Variants in FSTL5 observed in about 807,000 individuals in gnomAD.
The protein encoded by FSTL5 is follistatin-related protein 5.
A neutral mutation model predicts 89.1 loss-of-function variants in FSTL5; 62 were observed. The ratio of observed to expected loss-of-function variants is 0.70; its 90% CI spans 0.57 to 0.86. The LOEUF (loss-of-function observed/expected upper bound fraction) is 0.86. Ranked by LOEUF, FSTL5 falls within the 40% of genes least tolerant of loss-of-function variation. The pLI, the probability that FSTL5 is intolerant of heterozygous loss-of-function variation, is 0.00. For missense variants in FSTL5, 1,057 were observed against 1,001.6 expected (o/e 1.06, Z -0.75); for synonymous variants, 383 against 346.2 (o/e 1.11, Z -1.18).
chr4:161,779,640 T>C (rs914718171), intron 4 of FSTL5, among the ~76,000 whole-genome samples: 19 of 151,224 alleles, frequency 1.3e-4, no homozygotes, highest in African/African-American at 4.6e-4. Flanking sequence ...CTCCCTTTTA[T>C]CCACTAACTT....
chr4:161,928,584 G>A (rs888048341), intron 3 of FSTL5, among the ~76,000 whole-genome samples: 2 of 151,700 alleles, frequency 1.3e-5, no homozygotes, highest in Non-Finnish European at 3.0e-5. Flanking sequence ...AGTAGTTAGT[G>A]TCTGCAATGT....
chr4:162,043,592 T>C (rs901718368), intron 2 of FSTL5, among the ~76,000 whole-genome samples: 1 of 151,974 alleles, frequency 6.6e-6, no homozygotes, highest in African/African-American at 2.4e-5. Context: ...AAAAAAAAAA[T>C]GAAGTTTGCT....
chr4:161,629,200 C>T lies in FSTL5; in HGVS notation c.894+27128G>A, dbSNP rs1036550415. 7.2e-5 allele frequency among the ~76,000 whole-genome samples: 11 copies of T among 152,312 alleles called. No individual in the cohort carries two copies. The East Asian group carries it at 2.1e-3, about 29-fold the overall frequency. ...TGTTTCTGCTTCCTTCATGTTTTGA[C>T]TGACCTACTACCACATACTACTCTA... On this transcript the variant is annotated intron_variant, in intron 7 of 15. Coordinates refer to ENST00000306100, the MANE Select transcript of FSTL5 (RefSeq NM_020116.5).
chr4:162,154,905 G>C (rs1733407744), intron 1 of FSTL5, among the ~76,000 whole-genome samples: 2 of 151,978 alleles, frequency 1.3e-5, no homozygotes, highest in African/African-American at 2.4e-5. Context: ...GAATCCAAAA[G>C]CCACTCCAGA....
chr4:161,384,521 G>A lies in FSTL5; in HGVS notation c.*1226C>T, dbSNP rs1363161337. On this transcript the variant is annotated 3_prime_UTR_variant, in exon 16 of 16. Transcript: ENST00000306100. ...CTTTTCTACAGTGTCTCAAGTAGGA[G>A]GATTCGTTAGGTTTCAAACTACAGC... 1 of 152,070 alleles carries A rather than the reference G, an allele frequency of 6.6e-6. No individual in the cohort carries two copies. Among genetic ancestry groups the A allele is most frequent in the Non-Finnish European group, 1.5e-5 (1 of 67,974 alleles). The allele number at this position is 152,070 out of a possible 1,614,324, so 9.4% of individuals were successfully genotyped here.
At chr4:162,119,780 C>T (rs764780653) in intron 1 of FSTL5, among the ~76,000 whole-genome samples, 1 of 152,130 alleles carries the variant, frequency 6.6e-6, no homozygotes, top group Non-Finnish European at 1.5e-5. Context: ...TCCCATCTGG[C>T]TCTAATTTTA....
chr4:161,836,197 C>T (rs980289438), intron 4 of FSTL5, among the ~76,000 whole-genome samples: 1 of 149,862 alleles, frequency 6.7e-6, no homozygotes, highest in Non-Finnish European at 1.5e-5. Flanking sequence ...AGTAAACTAT[C>T]GCAAGAACAA....
At chr4:161,489,363 A>C (rs999135741) in intron 12 of FSTL5, among the ~76,000 whole-genome samples, 2 of 151,966 alleles carry the variant, frequency 1.3e-5, no homozygotes, top group African/African-American at 4.8e-5. Flanking sequence ...ATTAAATATC[A>C]AGAAAAGGTC....
At chr4:161,442,981 A>G (rs981667109) in intron 15 of FSTL5, among the ~76,000 whole-genome samples, 1 of 152,040 alleles carries the variant, frequency 6.6e-6, no homozygotes, top group Non-Finnish European at 1.5e-5. Flanking sequence ...TAATGTAATC[A>G]TAACTTATTT....
intron 12 of FSTL5, among the ~76,000 whole-genome samples, chr4:161,493,053 G>A (rs1237127968): frequency 6.6e-6 from 1 of 151,860 alleles, no homozygotes; most frequent in Non-Finnish European, 1.5e-5. Context: ...CTGTTAAATT[G>A]AAATTGTGAG....
chr4:162,037,837 GC>G (rs1176874257), intron 2 of FSTL5, among the ~76,000 whole-genome samples: 1 of 151,828 alleles, frequency 6.6e-6, no homozygotes, highest in Non-Finnish European at 1.5e-5. Context: ...TTTAGGATTT[GC>G]AAATAATAAC....
intron 6 of FSTL5, among the ~76,000 whole-genome samples, chr4:161,700,524 G>C (rs1303365315): frequency 1.3e-5 from 2 of 151,568 alleles, no homozygotes; most frequent in Non-Finnish European, 2.9e-5. Flanking sequence ...TTTTGAGACA[G>C]GGTTATGAAA....
chr4:161,509,317 T>C (rs796557847), intron 11 of FSTL5, among the ~76,000 whole-genome samples: 1 of 152,034 alleles, frequency 6.6e-6, no homozygotes, highest in African/African-American at 2.4e-5. Context: ...TAAATAAATA[T>C]ATAAATAAGT....
chr4:161,838,470 G>C (rs901214495), intron 4 of FSTL5, among the ~76,000 whole-genome samples: 3 of 151,984 alleles, frequency 2.0e-5, no homozygotes, highest in Non-Finnish European at 4.4e-5. Context: ...ATTTTTAATA[G>C]AGACGGGATT....
intron 5 of FSTL5, among the ~76,000 whole-genome samples, chr4:161,762,405 A>C (rs138174031): frequency 1.3e-5 from 2 of 152,160 alleles, no homozygotes; most frequent in Admixed American, 6.5e-5. Context: ...AGTTCCTTGC[A>C]CTTCTTTCAT....
rs537653713 is a variant in FSTL5 at position 161,415,212 on chromosome 4, GC to G, written c.1842-28764del. Among the ~76,000 whole-genome samples the G allele has an allele frequency of 2.1e-3, 320 of 152,050 alleles. 1 individual carries two copies. Among genetic ancestry groups the G allele is most frequent in the African/African-American group, 7.5e-3 (309 of 41,470 alleles). ...TTTAAGAGTTACAATATACAATGCT[GC>G]CCACCCCCAGCTTGGGCCAGCATTG... On this transcript the variant is annotated intron_variant, in intron 15 of 15. Transcript: ENST00000306100.
chr4:162,125,757 T>C (rs1255513193), intron 1 of FSTL5, among the ~76,000 whole-genome samples: 1 of 152,084 alleles, frequency 6.6e-6, no homozygotes, highest in Non-Finnish European at 1.5e-5. Context: ...ATTTAAGCAG[T>C]GTATAAAGTT....
chr4:161,787,081 A>G (rs1315360948), intron 4 of FSTL5, among the ~76,000 whole-genome samples: 1 of 152,124 alleles, frequency 6.6e-6, no homozygotes, highest in Non-Finnish European at 1.5e-5. Flanking sequence ...GTAAATTGAT[A>G]CTTGACATTT....
chr4:161,860,834 C>T (rs1731887186), intron 4 of FSTL5, among the ~76,000 whole-genome samples: 1 of 152,048 alleles, frequency 6.6e-6, no homozygotes, highest in African/African-American at 2.4e-5. Context: ...AAGTACTCAC[C>T]TCATAGCCCA....
Sources: allele counts gnomAD v4.1 joint callset (sites outside exome capture counted in the v4.1 genomes callset), GRCh38; gene constraint gnomAD v4.1.1; transcripts MANE v1.5; gene names NCBI Gene and HGNC (gene_info 2026-07-23, HGNC 2026-07-21).